Variants in HECW2 observed in about 807,000 individuals in gnomAD.
HECW2 encodes the protein E3 ubiquitin-protein ligase HECW2.
Under a neutral mutation model 175.2 loss-of-function variants are expected in HECW2, and 61 were observed. The ratio of observed to expected loss-of-function variants is 0.35; its 90% CI spans 0.28 to 0.43. The LOEUF (loss-of-function observed/expected upper bound fraction) is 0.43, where lower values mean the gene tolerates loss of function less well. HECW2 is among the 20% of genes least tolerant of loss of function. HECW2 has a pLI of 1.00. For synonymous variants in HECW2, 671 were observed against 731.0 expected (o/e 0.92, Z 1.32); for missense variants, 1,524 against 2,000.5 (o/e 0.76, Z 4.54).
chr2:196,551,042 A>G (rs1443844929), intron 1 of HECW2, among the ~76,000 whole-genome samples: 1 of 152,242 alleles, frequency 6.6e-6, no homozygotes, highest in Non-Finnish European at 1.5e-5. Flanking sequence ...ACTTCCAATT[A>G]GGATGAAATC....
At chr2:196,286,266 T>TA (rs1471597240) in intron 14 of HECW2, among the ~76,000 whole-genome samples, 1 of 152,098 alleles carries the variant, frequency 6.6e-6, no homozygotes, top group Non-Finnish European at 1.5e-5. Flanking sequence ...TTTCCCAACT[T>TA]ACAGCTGTGG....
chr2:196,359,650 GT>G (rs1309118829), intron 2 of HECW2, among the ~76,000 whole-genome samples: 1 of 152,194 alleles, frequency 6.6e-6, no homozygotes, highest in African/African-American at 2.4e-5. Flanking sequence ...GCATCCTTTG[GT>G]TAGGAGTAAA....
At chr2:196,575,223 A>G (rs1299532535) in intron 1 of HECW2, among the ~76,000 whole-genome samples, 3 of 152,084 alleles carry the variant, frequency 2.0e-5, no homozygotes, top group Non-Finnish European at 4.4e-5. Context: ...CCACAATAAG[A>G]TATCACCTCA....
intron 1 of HECW2, among the ~76,000 whole-genome samples, chr2:196,540,197 T>C (rs1689164493): frequency 1.3e-5 from 2 of 152,160 alleles, no homozygotes; most frequent in South Asian, 4.1e-4. Context: ...TCAATACAAT[T>C]TTTGGGGGAA....
At chr2:196,409,181 C>T (rs1695042526) in intron 2 of HECW2, among the ~76,000 whole-genome samples, 1 of 152,110 alleles carries the variant, frequency 6.6e-6, no homozygotes, top group Non-Finnish European at 1.5e-5. Flanking sequence ...TAGAAAGGCT[C>T]TGGGCTCTGG....
At chr2:196,533,023 C>T (rs1688895494) in intron 1 of HECW2, among the ~76,000 whole-genome samples, 1 of 152,180 alleles carries the variant, frequency 6.6e-6, no homozygotes, top group African/African-American at 2.4e-5. Context: ...TTTTTAGGTG[C>T]ATACCATGTA....
chr2:196,431,611 G>C (rs567780703), intron 2 of HECW2, among the ~76,000 whole-genome samples: 22 of 152,244 alleles, frequency 1.4e-4, no homozygotes, highest in Admixed American at 3.9e-4. Context: ...GTGCAAAAGA[G>C]TGAAATTACA....
intron 1 of HECW2, among the ~76,000 whole-genome samples, chr2:196,442,175 C>T (rs570205373): frequency 2.7e-4 from 41 of 151,698 alleles, no homozygotes; most frequent in African/African-American, 4.4e-4. Context: ...GTTATTTAAA[C>T]GCAGTGAGAT....
Position 196,255,847 on chromosome 2 carries a change from C to A in HECW2, c.3420-1818G>T, listed in dbSNP as rs769295007. Among the ~76,000 whole-genome samples, 5 of 152,148 alleles carry A rather than the reference C, an allele frequency of 3.3e-5. No homozygotes were observed. In the East Asian group the frequency reaches 9.6e-4, roughly 29 times the overall value. ...TAGCACTTTGGGAGGCCGAGGAGGG[C>A]GGATTGCCTGAGCTCAGGAGTTCTT... On this transcript the variant is annotated intron_variant, in intron 18 of 28. Transcript: ENST00000644978.
chr2:196,478,346 T>C (rs1430404467), intron 1 of HECW2, among the ~76,000 whole-genome samples: 1 of 152,186 alleles, frequency 6.6e-6, no homozygotes, highest in Non-Finnish European at 1.5e-5. Context: ...CAATGGTTCT[T>C]GTGACATTTC....
chr2:196,317,018 C>A (rs1691722974), intron 10 of HECW2: 2 of 417,748 alleles, frequency 4.8e-6, no homozygotes, highest in South Asian at 4.6e-5. Flanking sequence ...CCCAAAATAT[C>A]TGGATCTACC....
intron 2 of HECW2, among the ~76,000 whole-genome samples, chr2:196,428,077 C>T (rs893680216): frequency 1.3e-5 from 2 of 152,268 alleles, no homozygotes; most frequent in Non-Finnish European, 2.9e-5. Context: ...ACTCACACTT[C>T]TAGAGGGGAA....
At chr2:196,326,448 A>ATTT (rs11455303) in intron 5 of HECW2, among the ~76,000 whole-genome samples, 92 of 145,666 alleles carry the variant, frequency 6.3e-4, no homozygotes, top group African/African-American at 2.1e-3. Context: ...ACTAAGAGCA[A>ATTT]TTTTTTTTTT....
At chr2:196,575,151 G>A (rs1690519914) in intron 1 of HECW2, among the ~76,000 whole-genome samples, 1 of 146,140 alleles carries the variant, frequency 6.8e-6, no homozygotes, top group Non-Finnish European at 1.5e-5. Context: ...AAATACAATT[G>A]GCCAACGTAT....
At position 196,216,874 on chromosome 2, in the gene HECW2, T is replaced by G; in HGVS notation, c.4494+134A>C. 1.0e-5 allele frequency: 6 copies of G among 598,192 alleles called. No homozygotes were observed. In the Admixed American group the frequency reaches 1.8e-4, roughly 18 times the overall value. 37.1% of individuals were successfully genotyped at this position (598,192 alleles called of 1,614,324 possible). On this transcript the variant is annotated intron_variant, in intron 27 of 28. Transcript: ENST00000644978. ...TCACATAACCATGCAATCAGGAGTC[T>G]GGAAATGGTGTATCTCATATTTCCA...
At chr2:196,581,661 AC>A (rs1393800719) in intron 1 of HECW2, among the ~76,000 whole-genome samples, 1 of 152,250 alleles carries the variant, frequency 6.6e-6, no homozygotes, top group Non-Finnish European at 1.5e-5. Flanking sequence ...GAAAATGAAC[AC>A]CTACAGATAG....
At chr2:196,428,414 C>T (rs1695611188) in intron 2 of HECW2, among the ~76,000 whole-genome samples, 1 of 152,184 alleles carries the variant, frequency 6.6e-6, no homozygotes, top group African/African-American at 2.4e-5. Flanking sequence ...TGTTTAGCCA[C>T]ACAGTATTAA....
At chr2:196,234,515 G>C (rs1688170381) in intron 21 of HECW2, among the ~76,000 whole-genome samples, 1 of 151,830 alleles carries the variant, frequency 6.6e-6, no homozygotes, top group Admixed American at 6.6e-5. Context: ...ATCTAGTTTG[G>C]AACTCCTCGC....
intron 14 of HECW2, among the ~76,000 whole-genome samples, chr2:196,284,828 G>A (rs1481452407): frequency 6.7e-6 from 1 of 149,592 alleles, no homozygotes; most frequent in Non-Finnish European, 1.5e-5. Flanking sequence ...GCTGTCTAGA[G>A]TAGAGTATGT....
Sources: gnomAD v4.1 joint callset for allele counts (sites outside exome capture counted in the v4.1 genomes callset) on GRCh38, gnomAD v4.1.1 for gene constraint, MANE v1.5 for transcripts, NCBI Gene and HGNC (gene_info 2026-07-23, HGNC 2026-07-21) for gene names.